The following FGF14 variants were observed in gnomAD, a reference collection of about 807,000 sequenced individuals.
FGF14 encodes fibroblast growth factor homologous factor 4.
Under a neutral mutation model 25.5 loss-of-function variants are expected in FGF14, and 5 were observed. The observed-to-expected ratio is 0.20, with a 90% confidence interval of 0.10 to 0.41. The LOEUF (loss-of-function observed/expected upper bound fraction) is 0.41. Ranked by LOEUF, FGF14 falls within the 10% of genes least tolerant of loss-of-function variation. FGF14 has a pLI of 1.00. For missense variants in FGF14, 222 were observed against 320.1 expected, an observed-to-expected ratio of 0.69 and a Z score of 2.34; for synonymous variants, 138 against 118.3, an observed-to-expected ratio of 1.17 and a Z score of -1.08.
chr13:101,802,767 C>T (rs937749690), intron 3 of FGF14, among the ~76,000 whole-genome samples: 51 of 152,204 alleles, frequency 3.4e-4, no homozygotes, highest in Admixed American at 2.9e-3. Context: ...AAAGATGTTT[C>T]TGGCATTTAA....
At position 102,132,342 on chromosome 13, in the gene FGF14, A is replaced by AT. The variant is rs1294718334; in HGVS notation, c.209-257047dup. 2.6e-5 allele frequency among the ~76,000 whole-genome samples: 4 copies of AT among 152,330 alleles called. No individual in the cohort carries two copies. The East Asian group carries it at 7.7e-4, about 29-fold the overall frequency. ...TTTTGTAAATTTAAGACATATACACATAAAACATTACATATTGGTACATTT... is the reference window on the plus strand; with the variant it reads ...TTTTGTAAATTTAAGACATATACACATTAAAACATTACATATTGGTACATTT... On this transcript the variant is annotated intron_variant, in intron 1 of 4. Coordinates refer to the FGF14 transcript ENST00000376131.
At chr13:101,753,727 C>T (rs1217032857) in intron 3 of FGF14, among the ~76,000 whole-genome samples, 2 of 151,194 alleles carry the variant, frequency 1.3e-5, no homozygotes, top group African/African-American at 4.9e-5. Flanking sequence ...TACTTGAACC[C>T]GGGAGACGCA....
At chr13:102,018,580 G>T (rs2040467293) in intron 1 of FGF14, among the ~76,000 whole-genome samples, 2 of 151,832 alleles carry the variant, frequency 1.3e-5, no homozygotes, top group Non-Finnish European at 2.9e-5. Context: ...TCCTTCTCTA[G>T]CCCTGAGGCC....
intron 1 of FGF14, among the ~76,000 whole-genome samples, chr13:102,077,733 CT>C (rs932501641): frequency 1.2e-4 from 19 of 152,158 alleles, no homozygotes; most frequent in African/African-American, 3.9e-4. Context: ...ATGGAGGTTC[CT>C]CAAAAAATTA....
chr13:101,897,172 G>A (rs1023690903), intron 1 of FGF14, among the ~76,000 whole-genome samples: 11 of 152,142 alleles, frequency 7.2e-5, no homozygotes, highest in African/African-American at 2.7e-4. Context: ...TAGGTCCTGG[G>A]TTTGCCCCGC....
chr13:101,874,678 C>A (rs896736513), intron 2 of FGF14, among the ~76,000 whole-genome samples: 3 of 152,024 alleles, frequency 2.0e-5, no homozygotes, highest in African/African-American at 7.2e-5. Context: ...TCAAAGTACA[C>A]AACCTTTATG....
At chr13:101,885,818 AG>A (rs1430148490) in intron 1 of FGF14, among the ~76,000 whole-genome samples, 2 of 152,168 alleles carry the variant, frequency 1.3e-5, no homozygotes, top group African/African-American at 4.8e-5. Context: ...CCAGGTTTCA[AG>A]TGAATGCCAT....
At chr13:102,121,110 A>G (rs77592102) in intron 1 of FGF14, among the ~76,000 whole-genome samples, 8,718 of 152,136 alleles carry the variant, frequency 0.057, 889 homozygotes, top group East Asian at 0.48. Flanking sequence ...GTTAGTCCCT[A>G]TTTTTCCACA....
intron 1 of FGF14, among the ~76,000 whole-genome samples, chr13:101,893,927 T>A (rs1286034698): frequency 6.6e-6 from 1 of 152,118 alleles, no homozygotes; most frequent in African/African-American, 2.4e-5. Context: ...GGAGGGTCTG[T>A]GTTTTCTTTG....
At chr13:102,244,249 T>C (rs2051745743) in intron 1 of FGF14, among the ~76,000 whole-genome samples, 1 of 151,946 alleles carries the variant, frequency 6.6e-6, no homozygotes. Flanking sequence ...CATTTTTGAG[T>C]TCTGTATTTG....
In FGF14 at chr13:102,214,602, C is replaced by G. The variant is rs183540966; in HGVS notation, c.208+186869G>C. ...TGCCATTTAGTTTCAACACTCACCA[C>G]TCCCTACAGAAGCTAGGCAACCATC... is the stretch of plus-strand genomic sequence containing the variant. On this transcript the variant is annotated intron_variant, in intron 1 of 4. Coordinates refer to the FGF14 transcript ENST00000376131. Among the ~76,000 whole-genome samples the G allele has an allele frequency of 5.3e-5, 8 of 152,320 alleles. No homozygotes were observed. In the East Asian group the frequency reaches 1.5e-3, roughly 29 times the overall value.
rs528455182 is a variant in FGF14, at chr13:102,161,678, A to G, written c.208+239793T>C. Among the ~76,000 whole-genome samples the G allele has an allele frequency of 4.5e-3, 250 of 54,960 alleles. 8 individuals are homozygous for G. Among genetic ancestry groups the G allele is most frequent in the South Asian group, 0.011 (13 of 1,222 alleles). The allele number at this position is 54,960 out of a possible 152,430, so 36.1% of individuals were successfully genotyped here. A position where few individuals can be genotyped will look rare whatever the true frequency, so the allele number is the denominator to read the frequency against. ...AAGAAGAAGAAGAAGAAGAAGAAGAAGAAGAAGAAGAAGAAGAAGAAGAAG... is the reference window on the plus strand; with the variant it reads ...AAGAAGAAGAAGAAGAAGAAGAAGAGGAAGAAGAAGAAGAAGAAGAAGAAG... On this transcript the variant is annotated intron_variant, in intron 1 of 4. Coordinates refer to the FGF14 transcript ENST00000376131.
chr13:102,218,813 T>A (rs1354186249), intron 1 of FGF14, among the ~76,000 whole-genome samples: 1 of 152,196 alleles, frequency 6.6e-6, no homozygotes, highest in Non-Finnish European at 1.5e-5. Context: ...TATAAACCTG[T>A]ACACTCTTTT....
At chr13:102,017,150 G>C (rs2040390757) in intron 1 of FGF14, 1 of 235,886 alleles carries the variant, frequency 4.2e-6, no homozygotes, top group African/African-American at 2.3e-5. Context: ...CCCCAAGTAT[G>C]CTGCTAGCTG....
intron 3 of FGF14, among the ~76,000 whole-genome samples, chr13:101,833,184 A>G (rs2042763423): frequency 6.6e-6 from 1 of 152,022 alleles, no homozygotes; most frequent in South Asian, 2.1e-4. Flanking sequence ...CTTTCTAAAC[A>G]GGTATGGCAT....
rs1374819215 is a variant in FGF14, at chr13:102,273,315, T to C, written c.208+128156A>G. Among the ~76,000 whole-genome samples the C allele has an allele frequency of 2.6e-5, 4 of 152,130 alleles. No individual in the cohort carries two copies. The East Asian group carries it at 5.8e-4, about 22-fold the overall frequency. On this transcript the variant is annotated intron_variant, in intron 1 of 4. Transcript: ENST00000376131. ...AAATAGAATTCATGACAAAAAGAAA[T>C]AGCAGCATGGGACAGAATTAATCCA... is the stretch of plus-strand genomic sequence containing the variant.
In FGF14 at chr13:101,901,199, G is replaced by GA. The variant is rs145053015; in HGVS notation, c.193+15253dup. On this transcript the variant is annotated intron_variant, in intron 1 of 4. Coordinates refer to ENST00000376143, the MANE Select transcript of FGF14 (RefSeq NM_004115.4). ...AAGAAAATATAAAGAAAGTCTTTCT[G>GA]AAAAAAAAAATATGGTGGAATTCCT... 1.3e-3 allele frequency among the ~76,000 whole-genome samples: 199 copies of GA among 148,286 alleles called. 4 individuals are homozygous for GA. In the South Asian group the frequency reaches 0.021, roughly 16 times the overall value.
exon 1 of FGF14, chr13:102,401,729 G>T (rs781364555): frequency 6.7e-7 from 1 of 1,489,226 alleles, no homozygotes; most frequent in Non-Finnish European, 9.3e-7. Flanking sequence ...CCCCTCACGT[G>T]GTATATTTCT....
intron 1 of FGF14, among the ~76,000 whole-genome samples, chr13:101,993,964 G>A (rs1245085951): frequency 6.6e-6 from 1 of 151,836 alleles, no homozygotes; most frequent in African/African-American, 2.4e-5. Flanking sequence ...GAAAAATGGG[G>A]AAAATATAAA....
Sources: gnomAD v4.1 joint callset for allele counts (sites outside exome capture counted in the v4.1 genomes callset) on GRCh38, gnomAD v4.1.1 for gene constraint, MANE v1.5 for transcripts, NCBI Gene and HGNC (gene_info 2026-07-23, HGNC 2026-07-21) for gene names.